Variants in HIVEP3 observed in about 807,000 individuals in gnomAD.
HIVEP3 encodes the protein transcription factor HIVEP3.
Under a neutral mutation model 152.8 loss-of-function variants are expected in HIVEP3, and 49 were observed. The observed-to-expected ratio is 0.32, with a 90% confidence interval of 0.26 to 0.41. The LOEUF is 0.41. HIVEP3 is among the 10% of genes least tolerant of loss of function. The pLI is 1.00. For missense variants in HIVEP3, 2,790 were observed against 3,103.3 expected (o/e 0.90, Z 2.40); for synonymous variants, 1,269 against 1,289.0 (o/e 0.98, Z 0.33).
At chr1:41,963,292 T>C (rs1486182181) in intron 1 of HIVEP3, among the ~76,000 whole-genome samples, 1 of 152,120 alleles carries the variant, frequency 6.6e-6, no homozygotes, top group Non-Finnish European at 1.5e-5. Flanking sequence ...ATTACGGGCG[T>C]GAGCCACCGC....
chr1:41,582,753 G>A lies in HIVEP3; in HGVS notation c.2045C>T (p.Ser682Phe). 1 of 1,614,222 alleles carries A rather than the reference G, an allele frequency of 6.2e-7. No homozygotes were observed. Among genetic ancestry groups the A allele is most frequent in the South Asian group, 1.1e-5 (1 of 91,086 alleles). ...AATCTGACTCTTTTCAGCTTCTGGA[G>A]ATGTGTGGGTGCCTGCAGAGATGGG... ...AKPISAGTHT[S>F]PEAEKSQIEH... Residue 682 changes from serine to phenylalanine, a missense_variant, in exon 4 of 9, where the codon TCT becomes TTT. Around this residue, in one of 9 missense-constraint regions of HIVEP3, gnomAD observed 339 missense variants for 327.0 expected, o/e 1.04. Transcript: ENST00000372583. The surrounding 1 kb of genome is among the most constrained non-coding windows in gnomAD (Gnocchi z 4.7).
intron 2 of HIVEP3, among the ~76,000 whole-genome samples, chr1:41,632,926 C>G (rs1005183146): frequency 1.3e-5 from 2 of 151,910 alleles, no homozygotes; most frequent in Non-Finnish European, 2.9e-5. Context: ...GATGAAGTGG[C>G]CTGGATGTGG....
At chr1:41,920,591 G>GT (rs370449692), upstream of HIVEP3, among the ~76,000 whole-genome samples, 8 of 115,970 alleles carry the variant, frequency 6.9e-5, no homozygotes, top group South Asian at 6.1e-4. Context: ...TTTTTTTTTT[G>GT]TTTTGTTTTT....
intron 1 of HIVEP3, among the ~76,000 whole-genome samples, chr1:42,030,124 A>G (rs568899712): frequency 6.6e-6 from 1 of 152,340 alleles, no homozygotes; most frequent in South Asian, 2.1e-4. Context: ...AGAGGCTACA[A>G]GGAACCCTTG....
rs59715505 is a variant in HIVEP3 at position 41,565,090 on chromosome 1, T to C, written c.5207+10454A>G. 6.9e-4 allele frequency among the ~76,000 whole-genome samples: 105 copies of C among 152,258 alleles called. 1 individual carries two copies. The highest frequency in any genetic ancestry group is 3.7e-3 in the East Asian group (19 of 5,186). ...TGGGGTTGAATTAGTAACAAATGTA[T>C]AGAAAACAAAGTGCAGTTAAGCACA... On this transcript the variant is annotated intron_variant, in intron 5 of 8. Transcript: ENST00000372583.
chr1:41,897,928 TGA>T (rs1163124585), intron 1 of HIVEP3, among the ~76,000 whole-genome samples: 67 of 123,132 alleles, frequency 5.4e-4, no homozygotes, highest in African/African-American at 2.0e-3. Flanking sequence ...AGGAAAGACC[TGA>T]GAGAGAGGGA....
intron 2 of HIVEP3, among the ~76,000 whole-genome samples, chr1:41,670,128 G>A (rs1305914468): frequency 6.6e-6 from 1 of 152,184 alleles, no homozygotes; most frequent in Non-Finnish European, 1.5e-5. Context: ...GCACCCAGTA[G>A]GTGCACAGTG....
At chr1:42,014,295 C>T (rs894140267) in intron 1 of HIVEP3, among the ~76,000 whole-genome samples, 1 of 151,808 alleles carries the variant, frequency 6.6e-6, no homozygotes, top group African/African-American at 2.4e-5. Flanking sequence ...GTTCACATCA[C>T]AGAGAAAGAA....
intron 3 of HIVEP3, among the ~76,000 whole-genome samples, chr1:41,616,061 G>A (rs1644964079): frequency 6.6e-6 from 1 of 152,032 alleles, no homozygotes; most frequent in South Asian, 2.1e-4. Context: ...CAAGAGACAT[G>A]CCCCAGGTGG....
At chr1:41,746,269 A>T (rs921879503) in intron 1 of HIVEP3, among the ~76,000 whole-genome samples, 1 of 152,222 alleles carries the variant, frequency 6.6e-6, no homozygotes, top group Non-Finnish European at 1.5e-5. Flanking sequence ...CGCATTTATT[A>T]TCTGTTTACT....
At chr1:41,871,966 G>T (rs1274857683) in intron 1 of HIVEP3, among the ~76,000 whole-genome samples, 1 of 152,038 alleles carries the variant, frequency 6.6e-6, no homozygotes, top group Non-Finnish European at 1.5e-5. Flanking sequence ...AAGTTGTATT[G>T]AGGTATAATT....
intron 1 of HIVEP3, among the ~76,000 whole-genome samples, chr1:41,750,337 T>A (rs929526012): frequency 6.6e-6 from 1 of 152,264 alleles, no homozygotes; most frequent in Non-Finnish European, 1.5e-5. Context: ...AAATGGCAGC[T>A]GAATAAACGA....
At chr1:41,758,452 C>A (rs754489352) in intron 1 of HIVEP3, among the ~76,000 whole-genome samples, 2 of 152,216 alleles carry the variant, frequency 1.3e-5, no homozygotes, top group East Asian at 1.9e-4. Context: ...CAGCCTTCCA[C>A]GCTTCAATGG....
At chr1:41,832,522 C>A (rs1283984857) in intron 1 of HIVEP3, among the ~76,000 whole-genome samples, 4 of 152,104 alleles carry the variant, frequency 2.6e-5, no homozygotes, top group Admixed American at 2.6e-4. Flanking sequence ...CACAGTGAGA[C>A]CCAGTCTCAA....
rs1264940403 is a variant in HIVEP3 at position 41,650,565 on chromosome 1, T to G, written c.-720-21618A>C. On this transcript the variant is annotated intron_variant, in intron 2 of 8. Transcript: ENST00000372583. ...GGGTTTTCTTTTTTGTTTTCTGGGT[T>G]TTTTTTTTTTTTTAATGAAGAGATA... is the stretch of plus-strand genomic sequence containing the variant. Among the ~76,000 whole-genome samples, 242 of 24,946 alleles carry G rather than the reference T, an allele frequency of 9.7e-3. 2 individuals are homozygous for G. The highest frequency in any genetic ancestry group is 0.067 in the East Asian group (4 of 60). 16.4% of individuals were successfully genotyped at this position (24,946 alleles called of 152,430 possible).
rs1553142625 is a variant in HIVEP3 at position 42,007,821 on chromosome 1, T to TG, written n.119+27985_119+27986insC. ...CGCAAAAGTAATACATTCATTTGCTTAAAAAAATGAGTACGGAAGAGTAGA... is the reference window on the plus strand; with the variant it reads ...CGCAAAAGTAATACATTCATTTGCTTGAAAAAAATGAGTACGGAAGAGTAGA... On this transcript the variant is annotated intron_variant and non_coding_transcript_variant, in intron 1 of 3. Coordinates refer to the HIVEP3 transcript ENST00000489103. Among the ~76,000 whole-genome samples the TG allele has an allele frequency of 7.9e-5, 12 of 151,954 alleles. No individual in the cohort carries two copies. In the South Asian group the frequency reaches 2.5e-3, roughly 32 times the overall value.
intron 1 of HIVEP3, among the ~76,000 whole-genome samples, chr1:41,707,191 C>T (rs986603005): frequency 1.3e-5 from 2 of 152,190 alleles, no homozygotes; most frequent in African/African-American, 4.8e-5. Context: ...TCTTAGAGCC[C>T]AGCTGGTGAA....
At chr1:41,512,490 T>C (rs1179240840) in intron 8 of HIVEP3, among the ~76,000 whole-genome samples, 1 of 152,190 alleles carries the variant, frequency 6.6e-6, no homozygotes, top group African/African-American at 2.4e-5. Context: ...ATTCAACCTC[T>C]TTTCATTATA....
At position 41,861,406 on chromosome 1, in the gene HIVEP3, G is replaced by A. The variant is rs77326127; in HGVS notation, c.-801+57007C>T. ...GATTCACAATGGTAGCTGGCAATAC[G>A]GTAAATCAAGGCACAAAGAATCCAG... On this transcript the variant is annotated intron_variant, in intron 1 of 8. Transcript: ENST00000372583. 1.9e-4 allele frequency among the ~76,000 whole-genome samples: 29 copies of A among 152,336 alleles called. No homozygotes were observed. The East Asian group carries it at 3.3e-3, about 17-fold the overall frequency.
Sources: gnomAD v4.1 joint callset for allele counts (sites outside exome capture counted in the v4.1 genomes callset) on GRCh38, gnomAD v4.1.1 for gene constraint, gnomAD v4.1.1 regional missense constraint, Gnocchi (gnomAD v3.1) non-coding constraint, MANE v1.5 for transcripts, NCBI Gene and HGNC (gene_info 2026-07-23, HGNC 2026-07-21) for gene names.